ANTXR1: variants seen among roughly 807,000 people sequenced by gnomAD.
The protein encoded by ANTXR1 is ANTXR cell adhesion molecule 1, also known as anthrax toxin receptor 1.
Under a neutral mutation model 78.1 loss-of-function variants are expected in ANTXR1, and 19 were observed. The observed-to-expected ratio is 0.24, with a 90% CI of 0.17 to 0.36. ANTXR1 has a LOEUF of 0.36. Ranked by LOEUF, ANTXR1 falls within the 10% of genes least tolerant of loss-of-function variation. The probability of loss-of-function intolerance (pLI) is 1.00; values close to 1 mark genes in which losing one functional copy is unlikely to be tolerated. For synonymous variants in ANTXR1, 273 were observed against 260.5 expected (o/e 1.05, Z -0.46); for missense variants, 518 against 718.6 (o/e 0.72, Z 3.19).
At chr2:69,235,405 T>G (rs1051298448) in intron 17 of ANTXR1, among the ~76,000 whole-genome samples, 4 of 152,070 alleles carry the variant, frequency 2.6e-5, no homozygotes, top group African/African-American at 7.2e-5. Flanking sequence ...ATCCCAGCAC[T>G]TTGGGAGACC....
chr2:69,201,465 C>T (rs1240934629), intron 17 of ANTXR1, among the ~76,000 whole-genome samples: 11 of 152,076 alleles, frequency 7.2e-5, no homozygotes, highest in South Asian at 2.1e-4. Context: ...GCCAGCCTGA[C>T]GAGGCTGTAC....
intron 12 of ANTXR1, among the ~76,000 whole-genome samples, chr2:69,137,171 T>C (rs1672932709): frequency 6.6e-6 from 1 of 152,238 alleles, no homozygotes; most frequent in Non-Finnish European, 1.5e-5. Flanking sequence ...ACAGCAGTCT[T>C]TGATCACTAT....
At chr2:69,243,562 C>CT (rs1405085447) in intron 17 of ANTXR1, among the ~76,000 whole-genome samples, 1 of 152,168 alleles carries the variant, frequency 6.6e-6, no homozygotes, top group Admixed American at 6.5e-5. Context: ...CAGCATGTGG[C>CT]TTGTCCCTTC....
intron 3 of ANTXR1, among the ~76,000 whole-genome samples, chr2:69,051,887 T>C (rs897006573): frequency 1.3e-5 from 2 of 152,136 alleles, no homozygotes; most frequent in African/African-American, 2.4e-5. Context: ...ATATCCTTTG[T>C]CCAAGATTAG....
At chr2:69,213,654 G>A (rs75803905) in intron 17 of ANTXR1, among the ~76,000 whole-genome samples, 186 of 152,356 alleles carry the variant, frequency 1.2e-3, no homozygotes, top group Non-Finnish European at 2.0e-3. Flanking sequence ...AGCTCATCCT[G>A]TGGAAGCACA....
intron 1 of ANTXR1, among the ~76,000 whole-genome samples, chr2:69,023,967 T>C (rs994451380): frequency 3.9e-5 from 6 of 152,208 alleles, no homozygotes; most frequent in African/African-American, 1.4e-4. Flanking sequence ...TGGATTTTAT[T>C]CCATCAGGAA....
chr2:69,045,400 T>C (rs979023689), intron 3 of ANTXR1, among the ~76,000 whole-genome samples: 1 of 152,210 alleles, frequency 6.6e-6, no homozygotes, highest in Non-Finnish European at 1.5e-5. Flanking sequence ...AAACTAGCAA[T>C]AACAGAGTCA....
rs115141241 is a variant in ANTXR1, at chr2:69,022,632, A to G, written c.152+8981A>G. ...GTTCTCAACCAAGGGCCAGATCACA[A>G]CTTCAGAGGCCTGAGGCAGACGTGT... is the stretch of plus-strand genomic sequence containing the variant. On this transcript the variant is annotated intron_variant, in intron 1 of 17. Transcript: ENST00000303714. Among the ~76,000 whole-genome samples the G allele has an allele frequency of 9.6e-3, 1,464 of 152,320 alleles. 22 individuals carry two copies. Among genetic ancestry groups the G allele is most frequent in the African/African-American group, 0.033 (1,378 of 41,554 alleles).
At chr2:69,142,259 A>G (rs949149778) in intron 12 of ANTXR1, among the ~76,000 whole-genome samples, 1 of 152,158 alleles carries the variant, frequency 6.6e-6, no homozygotes, top group Non-Finnish European at 1.5e-5. Context: ...CCTGCTACCC[A>G]CTAACTATAG....
chr2:69,192,199 T>G (rs1233076012), intron 16 of ANTXR1, among the ~76,000 whole-genome samples: 1 of 152,176 alleles, frequency 6.6e-6, no homozygotes, highest in Non-Finnish European at 1.5e-5. Flanking sequence ...ACCAGAAACT[T>G]AAAGGTTTAA....
intron 17 of ANTXR1, among the ~76,000 whole-genome samples, chr2:69,213,034 T>C (rs1020108134): frequency 6.8e-6 from 1 of 146,756 alleles, no homozygotes; most frequent in Non-Finnish European, 1.5e-5. Flanking sequence ...CTCAAACTCC[T>C]GGCCTCAAGC....
chr2:69,054,320 A>G (rs957454704), intron 3 of ANTXR1, among the ~76,000 whole-genome samples: 1 of 152,214 alleles, frequency 6.6e-6, no homozygotes, highest in African/African-American at 2.4e-5. Flanking sequence ...TATTACGTAC[A>G]GTTTTAAATT....
chr2:69,149,259 G>C (rs1400725886), intron 12 of ANTXR1, among the ~76,000 whole-genome samples: 1 of 152,102 alleles, frequency 6.6e-6, no homozygotes, highest in Non-Finnish European at 1.5e-5. Flanking sequence ...CTCCACCACA[G>C]CCAGAGGGAA....
At chr2:69,070,866 A>G in intron 4 of ANTXR1, 138 bp downstream of exon 4, 1 of 775,894 alleles carries the variant, frequency 1.3e-6, no homozygotes, top group South Asian at 1.5e-5. Context: ...TTCTTCCCAT[A>G]AGCTTGTACA....
intron 8 of ANTXR1, among the ~76,000 whole-genome samples, chr2:69,086,561 A>G (rs1198384504): frequency 6.6e-6 from 1 of 152,258 alleles, no homozygotes; most frequent in African/African-American, 2.4e-5. Context: ...TCTCTTTGAA[A>G]TCTGTCCAAA....
chr2:69,135,030 G>A (rs759098843), intron 12 of ANTXR1: 14 of 417,728 alleles, frequency 3.4e-5, no homozygotes, highest in East Asian at 1.4e-4. Flanking sequence ...CATTAGAGAC[G>A]GTAAAAGACC....
At chr2:69,065,646 A>G (rs1021321001) in intron 3 of ANTXR1, among the ~76,000 whole-genome samples, 1 of 152,206 alleles carries the variant, frequency 6.6e-6, no homozygotes, top group Non-Finnish European at 1.5e-5. Context: ...AAAGTACACA[A>G]GAGGAGCTTT....
At chr2:69,115,198 C>CA (rs1166130151) in intron 10 of ANTXR1, among the ~76,000 whole-genome samples, 1 of 152,206 alleles carries the variant, frequency 6.6e-6, no homozygotes, top group African/African-American at 2.4e-5. Context: ...CCTTGAGGGG[C>CA]AAAATCAACC....
At chr2:69,170,794 G>A (rs1673962258) in intron 14 of ANTXR1, among the ~76,000 whole-genome samples, 1 of 152,168 alleles carries the variant, frequency 6.6e-6, no homozygotes, top group Non-Finnish European at 1.5e-5. Context: ...AAAATACGCT[G>A]GAGAGGGATA....
Sources: allele counts gnomAD v4.1 joint callset (sites outside exome capture counted in the v4.1 genomes callset), GRCh38; gene constraint gnomAD v4.1.1; transcripts MANE v1.5; gene names NCBI Gene and HGNC (gene_info 2026-07-23, HGNC 2026-07-21).